Variants in SRGAP3 observed in about 807,000 individuals in gnomAD.
SRGAP3 encodes SLIT-ROBO Rho GTPase-activating protein 3.
Under a neutral mutation model 121.1 loss-of-function variants are expected in SRGAP3, and 39 were observed. That is an observed-to-expected ratio of 0.32 (90% CI 0.25 to 0.42). SRGAP3 has a LOEUF of 0.42. Among genes scored for constraint, SRGAP3 ranks in the 10% least tolerant of loss-of-function variants. The pLI, the probability that SRGAP3 is intolerant of heterozygous loss-of-function variation, is 1.00. For missense variants in SRGAP3, 1,213 were observed against 1,470.6 expected (o/e 0.82, Z 2.86); for synonymous variants, 601 against 570.0 (o/e 1.05, Z -0.77).
At chr3:9,260,711 T>C (rs1341643601) in intron 3 of SRGAP3, among the ~76,000 whole-genome samples, 1 of 152,210 alleles carries the variant, frequency 6.6e-6, no homozygotes, top group Non-Finnish European at 1.5e-5. Context: ...AAGGGGCAAC[T>C]GTGGGCGCAG....
intron 13 of SRGAP3, among the ~76,000 whole-genome samples, chr3:9,026,026 C>G (rs559171661): frequency 6.6e-6 from 1 of 152,250 alleles, no homozygotes; most frequent in African/African-American, 2.4e-5. Flanking sequence ...CTTCTGCCAC[C>G]CAAGTCTCTG....
chr3:9,323,931 G>A (rs1158114816), intron 3 of SRGAP3, among the ~76,000 whole-genome samples: 8 of 151,760 alleles, frequency 5.3e-5, no homozygotes, highest in East Asian at 1.9e-4. Context: ...AACGATTTGC[G>A]AATTGGGCAG....
intron 6 of SRGAP3, 54 bp downstream of exon 6, chr3:9,060,177 T>A (rs761631351): frequency 1.2e-6 from 2 of 1,612,958 alleles, no homozygotes; most frequent in Non-Finnish European, 1.7e-6. Context: ...GCCAGTGACA[T>A]GTGCCAGCCC....
chr3:9,191,859 G>C (rs1560385206), intron 1 of SRGAP3, among the ~76,000 whole-genome samples: 2 of 152,086 alleles, frequency 1.3e-5, no homozygotes, highest in African/African-American at 4.8e-5. Context: ...GTGAGTTCTG[G>C]TTATTTAAAA....
intron 1 of SRGAP3, among the ~76,000 whole-genome samples, chr3:9,155,278 G>A (rs1391947850): frequency 1.3e-5 from 2 of 152,148 alleles, no homozygotes; most frequent in Non-Finnish European, 2.9e-5. Flanking sequence ...CAGGCTAGCC[G>A]TTGTCCCTTT....
intron 3 of SRGAP3, among the ~76,000 whole-genome samples, chr3:9,293,911 G>C (rs1395676742): frequency 1.3e-5 from 2 of 152,154 alleles, no homozygotes; most frequent in Non-Finnish European, 2.9e-5. Flanking sequence ...AACCATTGTA[G>C]AAGACAGTGT....
intron 1 of SRGAP3, among the ~76,000 whole-genome samples, chr3:9,221,986 C>T (rs1219753836): frequency 6.6e-6 from 1 of 152,168 alleles, no homozygotes; most frequent in Non-Finnish European, 1.5e-5. Flanking sequence ...ACTGTAGTAG[C>T]CCCTCTCCTT....
intron 1 of SRGAP3, among the ~76,000 whole-genome samples, chr3:9,332,249 A>G (rs1449493449): frequency 6.6e-6 from 1 of 152,156 alleles, no homozygotes; most frequent in African/African-American, 2.4e-5. Flanking sequence ...CCTCCTGAAT[A>G]GCTGGGATTA....
At chr3:9,149,777 G>A (rs992782752) in intron 1 of SRGAP3, among the ~76,000 whole-genome samples, 3 of 152,230 alleles carry the variant, frequency 2.0e-5, no homozygotes, top group Non-Finnish European at 2.9e-5. Context: ...CCAGACATGT[G>A]AGCAATAAAT....
At chr3:9,127,557 C>T (rs953593788) in intron 1 of SRGAP3, among the ~76,000 whole-genome samples, 2 of 152,208 alleles carry the variant, frequency 1.3e-5, no homozygotes, top group Non-Finnish European at 2.9e-5. Flanking sequence ...AAGCGATCCT[C>T]CTGCCTCGGT....
chr3:8,988,808 CACT>C (rs1367767071), intron 21 of SRGAP3, among the ~76,000 whole-genome samples: 4 of 152,192 alleles, frequency 2.6e-5, no homozygotes, highest in Admixed American at 2.0e-4. Flanking sequence ...CTCAGGAGAG[CACT>C]ACCTAGATCC....
intron 3 of SRGAP3, among the ~76,000 whole-genome samples, chr3:9,304,736 C>G (rs1306099859): frequency 6.6e-6 from 1 of 152,146 alleles, no homozygotes. Flanking sequence ...ATGCTCACTC[C>G]CTGAGGGCCT....
At chr3:9,104,867 T>C in intron 2 of SRGAP3, 25 bp from the exon 3 acceptor site, 1 of 1,613,784 alleles carries the variant, frequency 6.2e-7, no homozygotes, top group South Asian at 1.1e-5. Flanking sequence ...AAAGCTCAGG[T>C]TGGCTACATT....
intron 1 of SRGAP3, among the ~76,000 whole-genome samples, chr3:9,333,354 C>G (rs1193849996): frequency 6.6e-6 from 1 of 152,180 alleles, no homozygotes. Context: ...CAGCAGGTCA[C>G]TTTGCATTCC....
chr3:9,017,668 T>C (rs1274972610), intron 14 of SRGAP3, among the ~76,000 whole-genome samples: 2 of 152,198 alleles, frequency 1.3e-5, no homozygotes, highest in Non-Finnish European at 2.9e-5. Flanking sequence ...AGTAACGTTA[T>C]GATGATGATT....
chr3:9,105,382 G>A (rs1240020920), intron 2 of SRGAP3, among the ~76,000 whole-genome samples: 1 of 152,186 alleles, frequency 6.6e-6, no homozygotes, highest in Non-Finnish European at 1.5e-5. Context: ...GGGCTAGGAG[G>A]GCTCAGATTC....
chr3:9,216,764 T>A (rs1364364080), intron 1 of SRGAP3: 1 of 152,574 alleles, frequency 6.6e-6, no homozygotes, highest in Non-Finnish European at 1.5e-5. Context: ...GCCACCCAAG[T>A]GTCCCTCCCC....
chr3:9,119,798 G>C (rs765616534), intron 2 of SRGAP3, among the ~76,000 whole-genome samples: 2 of 152,220 alleles, frequency 1.3e-5, no homozygotes, highest in Non-Finnish European at 2.9e-5. Flanking sequence ...TGGAGAGGGA[G>C]ACAGCCCAGC....
intron 10 of SRGAP3, among the ~76,000 whole-genome samples, chr3:9,040,717 C>T (rs1944972265): frequency 6.6e-6 from 1 of 152,114 alleles, no homozygotes; most frequent in Admixed American, 6.5e-5. Context: ...GCACATACCA[C>T]CACACCCAGC....
Sources: allele counts gnomAD v4.1 joint callset (sites outside exome capture counted in the v4.1 genomes callset), GRCh38; gene constraint gnomAD v4.1.1; transcripts MANE v1.5; gene names NCBI Gene and HGNC (gene_info 2026-07-23, HGNC 2026-07-21).